Variants in ATP1B4 observed in about 807,000 individuals in gnomAD.
ATP1B4 encodes ATPase Na+/K+ transporting family member beta 4.
In ATP1B4, 32 loss-of-function variants were observed where a neutral mutation model predicts 29.6. That is an observed-to-expected ratio of 1.08 (90% CI 0.82 to 1.45). The LOEUF (loss-of-function observed/expected upper bound fraction) is 1.45, where lower values mean the gene tolerates loss of function less well. ATP1B4 is among the 40% of genes most tolerant of loss of function. The pLI, the probability that ATP1B4 is intolerant of heterozygous loss-of-function variation, is 0.00. For synonymous variants in ATP1B4, 127 were observed against 102.1 expected, an observed-to-expected ratio of 1.24 and a Z score of -1.47; for missense variants, 323 against 276.2, an observed-to-expected ratio of 1.17 and a Z score of -1.20.
At chrX:120,372,796 T>G (rs1461472559) in intron 4 of ATP1B4, among the ~76,000 whole-genome samples, 1 of 112,426 alleles carries the variant, frequency 8.9e-6, no homozygotes, top group Non-Finnish European at 1.9e-5. Context: ...TCAGTGTTAT[T>G]TTGGGTAAGT....
chrX:120,362,281 A>C, intron 1 of ATP1B4, 50 bp downstream of exon 1: 1 of 1,100,789 alleles, frequency 9.1e-7, no homozygotes, highest in Non-Finnish European at 1.3e-6. Flanking sequence ...CTTTTATTTT[A>C]ATGGGGTGGG....
rs148351502 is a variant in ATP1B4, at chrX:120,376,792, G to C, written c.816+356G>C. 6.5e-3 allele frequency among the ~76,000 whole-genome samples: 734 copies of C among 112,287 alleles called. 7 individuals are homozygous for C. The highest frequency in any genetic ancestry group is 0.022 in the African/African-American group (694 of 30,950). The stretch of plus-strand genomic sequence containing the variant: ...CTTTTGCTTTTAGCTCTAATTACTT[G>C]TTTCTTTGAACTAAACAAACAGCTT... On this transcript the variant is annotated intron_variant, in intron 6 of 7. Transcript: ENST00000218008.
intron 7 of ATP1B4, 149 bp from the exon 8 acceptor site, chrX:120,379,324 A>AGTATGTCT: frequency 2.1e-6 from 1 of 471,225 alleles, no homozygotes; most frequent in Non-Finnish European, 3.6e-6. Context: ...CTGCAAGGAG[A>AGTATGTCT]GTATGTCTGT....
intron 2 of ATP1B4, among the ~76,000 whole-genome samples, chrX:120,369,172 A>C (rs1475863755): frequency 8.9e-6 from 1 of 112,353 alleles, no homozygotes; most frequent in Non-Finnish European, 1.9e-5. Context: ...CTGTTGATCC[A>C]TTCCTAGGAC....
At chrX:120,378,554 T>C in intron 6 of ATP1B4, 124 bp from the exon 7 acceptor site, 1 of 592,792 alleles carries the variant, frequency 1.7e-6, no homozygotes, top group Non-Finnish European at 2.8e-6. Context: ...TCTGCTTTCA[T>C]GGTCTTCCTG....
rs746782432 is a variant in ATP1B4, at chrX:120,378,781, G to A, written c.912+8G>A. 7 of 1,197,830 alleles carry A rather than the reference G, an allele frequency of 5.8e-6. No homozygotes were observed. The highest frequency in any genetic ancestry group is 7.9e-6 in the Non-Finnish European group (7 of 883,127). ...TACGGCAAACTGACTCACGTAAGCT[G>A]TATTCCCTTTAGTCATTGCTGTCAG... On this transcript the variant is annotated splice_region_variant and intron_variant, in intron 7 of 7. Coordinates refer to ENST00000218008, the MANE Select transcript of ATP1B4 (RefSeq NM_001142447.3).
chrX:120,370,795 AC>A lies in ATP1B4; in HGVS notation c.411del (p.Ile138SerfsTer12). Reference sequence around the variant, plus strand: ...CCTCTGCATGTACACACTATTTCTGACCATCAGTCCCTATATACCAACCTTC... The same window carrying A: ...CCTCTGCATGTACACACTATTTCTGACATCAGTCCCTATATACCAACCTTC... ...ITLCMYTLFL[T>X]ISPYIPTFTE... On this transcript the variant is annotated frameshift_variant, in exon 3 of 8. Transcript: ENST00000218008. LOFTEE classifies it high-confidence loss of function. The A allele has an allele frequency of 1.7e-6, 2 of 1,210,888 alleles. No individual in the cohort carries two copies. The highest frequency in any genetic ancestry group is 2.2e-6 in the Non-Finnish European group (2 of 895,233).
chrX:120,378,998 G>A (rs930232582), intron 7 of ATP1B4, among the ~76,000 whole-genome samples: 5 of 111,204 alleles, frequency 4.5e-5, no homozygotes, highest in Non-Finnish European at 9.4e-5. Context: ...TTTACGAATG[G>A]GAAAATTGGG....
intron 6 of ATP1B4, among the ~76,000 whole-genome samples, chrX:120,377,441 TATTCAC>T (rs765059529): frequency 1.4e-4 from 16 of 112,333 alleles, no homozygotes; most frequent in Non-Finnish European, 2.6e-4. Context: ...TATGTGTAAA[TATTCAC>T]AACATGAGGT....
At position 120,366,756 on chromosome X, in the gene ATP1B4, A is replaced by G. The variant is rs1482123534; in HGVS notation, c.295A>G (p.Arg99Gly). Reference protein sequence around the residue: ...MSEYLWDPERRMFLARTGQSW... With the variant: ...MSEYLWDPERGMFLARTGQSW... ...TGAATACCTGTGGGATCCAGAGAGAAGGATGTTTCTGGCCCGAACAGGTCA... is the reference window on the plus strand; with the variant it reads ...TGAATACCTGTGGGATCCAGAGAGAGGGATGTTTCTGGCCCGAACAGGTCA... The change falls in exon 2 of 8, where the codon AGG (arginine) becomes GGG (glycine). Residue 99 changes from arginine (R) to glycine (G), a missense_variant. Transcript: ENST00000218008. The G allele has an allele frequency of 8.3e-7, 1 of 1,209,881 alleles. No individual in the cohort carries two copies. Among genetic ancestry groups the G allele is most frequent in the Non-Finnish European group, 1.1e-6 (1 of 894,987 alleles).
intron 6 of ATP1B4, among the ~76,000 whole-genome samples, chrX:120,376,934 G>A (rs780241097): frequency 9.8e-5 from 11 of 112,269 alleles, no homozygotes; most frequent in East Asian, 2.8e-4. Flanking sequence ...AACAGAACTC[G>A]ATTAATATGC....
At position 120,381,729 on chromosome X, in the gene ATP1B4, G is replaced by A. The variant is rs1393669943; in HGVS notation, c.*2095G>A. 1 of 112,524 alleles carries A rather than the reference G, an allele frequency of 8.9e-6. No individual in the cohort carries two copies. Among genetic ancestry groups the A allele is most frequent in the Non-Finnish European group, 1.9e-5 (1 of 53,432 alleles). The allele number at this position is 112,524 out of a possible 1,213,427, so 9.3% of individuals were successfully genotyped here. ...GCCTCCCACAGTGCTGGGATTACAG[G>A]CGTGAGCCACCGCACCCGGCTTGCA... On this transcript the variant is annotated 3_prime_UTR_variant, in exon 8 of 8. Transcript: ENST00000218008.
At chrX:120,374,643 TTA>T (rs761986696) in intron 4 of ATP1B4, among the ~76,000 whole-genome samples, 79 of 32,928 alleles carry the variant, frequency 2.4e-3, no homozygotes, top group East Asian at 4.3e-3. Context: ...TAATATTATA[TTA>T]TATATATATA....
chrX:120,373,886 A>G (rs1457462812), intron 4 of ATP1B4, among the ~76,000 whole-genome samples: 9 of 110,183 alleles, frequency 8.2e-5, no homozygotes, highest in Non-Finnish European at 3.8e-5. Context: ...GAGCTGGCTT[A>G]TTCCCTCCCC....
rs1225108911 is a variant in ATP1B4 at position 120,366,805 on chromosome X, C to T, written c.328+16C>T. ...CAGAGTTGGAGTAAGTCCCAATAGT[C>T]CCAATGCCAAAGTCTGGTGTCCTTT... On this transcript the variant is annotated intron_variant, in intron 2 of 7. Transcript: ENST00000218008. 3.3e-6 allele frequency: 4 copies of T among 1,199,299 alleles called. No homozygotes were observed. The highest frequency in any genetic ancestry group is 4.5e-6 in the Non-Finnish European group (4 of 886,766).
chrX:120,367,502 A>G (rs1393254106), intron 2 of ATP1B4, among the ~76,000 whole-genome samples: 6 of 111,810 alleles, frequency 5.4e-5, no homozygotes, highest in African/African-American at 2.0e-4. Context: ...CTCACCTCCT[A>G]CAGTCTTACC....
At chrX:120,378,542 A>C (rs2058367291) in intron 6 of ATP1B4, 136 bp from the exon 7 acceptor site, 1 of 556,746 alleles carries the variant, frequency 1.8e-6, no homozygotes. Context: ...GCTCTGCTCC[A>C]TTCTGCTTTC....
intron 4 of ATP1B4, 144 bp from the exon 5 acceptor site, chrX:120,375,228 C>G (rs1234896998): frequency 2.3e-5 from 10 of 438,828 alleles, no homozygotes; most frequent in Non-Finnish European, 3.8e-5. Context: ...CACCTGATGC[C>G]AGGTCACAGG....
rs1457652450 is a variant in ATP1B4 at position 120,382,578 on chromosome X, T to G, written c.*2944T>G. On this transcript the variant is annotated 3_prime_UTR_variant, in exon 8 of 8. Transcript: ENST00000218008. ...GCTCTTTCTACTCTGAGCTGCTGCT[T>G]ACCAGAAAGTACCATCTTCTTAAAA... 8.9e-6 allele frequency: 1 copy of G among 112,146 alleles called. No homozygotes were observed. Among genetic ancestry groups the G allele is most frequent in the Non-Finnish European group, 1.9e-5 (1 of 53,213 alleles). 9.2% of individuals were successfully genotyped at this position (112,146 alleles called of 1,213,427 possible).
Sources: allele counts gnomAD v4.1 joint callset (sites outside exome capture counted in the v4.1 genomes callset), GRCh38; gene constraint gnomAD v4.1.1; transcripts MANE v1.5; gene names NCBI Gene and HGNC (gene_info 2026-07-23, HGNC 2026-07-21).